The following KDM5C variants were observed in gnomAD, a reference collection of about 807,000 sequenced individuals.
The protein encoded by KDM5C is lysine demethylase 5C, also known as lysine-specific demethylase 5C.
Under a neutral mutation model 110.6 loss-of-function variants are expected in KDM5C, and 16 were observed. That is an observed-to-expected ratio of 0.14 (90% CI 0.10 to 0.22). KDM5C has a LOEUF of 0.22. KDM5C is among the 10% of genes least tolerant of loss of function. The pLI is 1.00. For missense variants in KDM5C, 681 were observed against 1,300.9 expected (o/e 0.52, Z 7.33); for synonymous variants, 511 against 520.4 (o/e 0.98, Z 0.24).
In KDM5C at chrX:53,177,500, T is replaced by A. The variant is rs145794902; in HGVS notation, c.4309-878A>T. Among the ~76,000 whole-genome samples the A allele has an allele frequency of 3.8e-3, 426 of 113,031 alleles. 3 individuals carry two copies. Among genetic ancestry groups the A allele is most frequent in the African/African-American group, 0.013 (411 of 31,206 alleles). ...GACAGTAAGGAATGATTGTGAATTG[T>A]GTTAGGTGTACTAATCGTTTTGTAA... On this transcript the variant is annotated intron_variant, in intron 25 of 25. Transcript: ENST00000685641.
At chrX:53,201,214 T>C (rs1266654695) in intron 14 of KDM5C, 2 of 270,068 alleles carry the variant, frequency 7.4e-6, no homozygotes, top group Non-Finnish European at 1.3e-5. Context: ...TGCCAGTCTA[T>C]TTTGCTAGGT....
intron 12 of KDM5C, chrX:53,202,555 C>G (rs1178668556): frequency 1.7e-5 from 2 of 120,307 alleles, no homozygotes; most frequent in Non-Finnish European, 3.4e-5. Flanking sequence ...CAATTTTCAT[C>G]TTTCTGTAGC....
In KDM5C at chrX:53,199,103, T is replaced by C; in HGVS notation, c.2117A>G (p.Gln706Arg). 8.2e-7 allele frequency: 1 copy of C among 1,212,126 alleles called. No individual in the cohort carries two copies. Among genetic ancestry groups the C allele is most frequent in the Non-Finnish European group, 1.1e-6 (1 of 895,518 alleles). ...ACACGTAGTCTTGCACTTGATACACTGGCGCTCATCATCTGGGAGCAGCTC... is the reference window on the plus strand; with the variant it reads ...ACACGTAGTCTTGCACTTGATACACCGGCGCTCATCATCTGGGAGCAGCTC... Reference protein sequence around the residue: ...AFELLPDDERQCIKCKTTCFL... With the variant: ...AFELLPDDERRCIKCKTTCFL... Residue 706 changes from glutamine (Q) to arginine (R), a missense_variant, in exon 15 of 26, where the codon CAG (glutamine) becomes CGG (arginine). By Grantham distance (43) the Gln-to-Arg change is conservative. This residue lies in a region of KDM5C where 42 missense variants were observed against 98.9 expected (regional missense o/e 0.42). Transcript: ENST00000375401.
chrX:53,176,470 C>G (rs1466918417), exon 26 of KDM5C, among the ~76,000 whole-genome samples: 1 of 111,572 alleles, frequency 9.0e-6, no homozygotes, highest in African/African-American at 3.3e-5. Flanking sequence ...GGTCTGGTGT[C>G]TCACCGTAAC....
chrX:53,197,984 G>C, intron 17 of KDM5C, 108 bp from the exon 18 acceptor site: 1 of 627,092 alleles, frequency 1.6e-6, no homozygotes, highest in South Asian at 2.4e-5. Flanking sequence ...CCTTGATCTC[G>C]CATATTTCAA....
intron 5 of KDM5C, 36 bp from the exon 6 acceptor site, chrX:53,216,233 T>C: frequency 1.7e-6 from 2 of 1,208,046 alleles, no homozygotes; most frequent in Non-Finnish European, 2.2e-6. Flanking sequence ...AAGACTGCTA[T>C]CTGGGGCAGA....
chrX:53,195,683 T>C (rs907165894), intron 20 of KDM5C, among the ~76,000 whole-genome samples: 6 of 111,543 alleles, frequency 5.4e-5, no homozygotes, highest in African/African-American at 2.0e-4. Flanking sequence ...TACCACCTGC[T>C]TCCCTGGCCC....
At chrX:53,207,759 G>A (rs370386863) in intron 12 of KDM5C, among the ~76,000 whole-genome samples, 11 of 109,874 alleles carry the variant, frequency 1.0e-4, no homozygotes, top group African/African-American at 3.6e-4. Context: ...GACCATCCTG[G>A]CCAACATGGT....
chrX:53,219,495 G>A (rs1556853699), intron 2 of KDM5C, among the ~76,000 whole-genome samples: 2 of 112,108 alleles, frequency 1.8e-5, no homozygotes, highest in African/African-American at 6.5e-5. Context: ...AACAAGATAT[G>A]TATGATGCTT....
In KDM5C at chrX:53,192,861, A is replaced by ACCCCGCCC; in HGVS notation, c.*105_*106insGGGCGGGG. ...GGGTGGGCGGGTAGCAGGGATGGCC[A>ACCCCGCCC]CCCCCCTACCCGCCCACCCCCCAAG... On this transcript the variant is annotated 3_prime_UTR_variant, in exon 26 of 26. Transcript: ENST00000375401. 4.0e-6 allele frequency: 2 copies of ACCCCGCCC among 502,012 alleles called. No individual in the cohort carries two copies. Among genetic ancestry groups the ACCCCGCCC allele is most frequent in the Non-Finnish European group, 5.8e-6 (2 of 347,654 alleles). 41.4% of individuals were successfully genotyped at this position (502,012 alleles called of 1,213,427 possible). A position where few individuals can be genotyped will look rare whatever the true frequency, so the allele number is the denominator to read the frequency against.
intron 2 of KDM5C, 50 bp from the exon 3 acceptor site, chrX:53,218,448 C>T: frequency 8.4e-7 from 1 of 1,191,297 alleles, no homozygotes; most frequent in Non-Finnish European, 1.1e-6. Context: ...CCACTGACCA[C>T]TATCTTTGGG....
At chrX:53,219,592 A>C (rs894578455) in intron 2 of KDM5C, among the ~76,000 whole-genome samples, 16 of 112,670 alleles carry the variant, frequency 1.4e-4, no homozygotes, top group African/African-American at 5.2e-4. Context: ...GGTTCTTGGA[A>C]GAACTAGATA....
At chrX:53,181,920 C>T (rs1367310146) in intron 25 of KDM5C, among the ~76,000 whole-genome samples, 1 of 108,854 alleles carries the variant, frequency 9.2e-6, no homozygotes, top group Non-Finnish European at 1.9e-5. Flanking sequence ...TCCCGAGTAG[C>T]TGGGACTACA....
chrX:53,209,824 A>G (rs1556847808), intron 12 of KDM5C, among the ~76,000 whole-genome samples: 3 of 112,454 alleles, frequency 2.7e-5, no homozygotes, highest in South Asian at 3.7e-4. Context: ...AAAGAAGTAC[A>G]CAGAGGATAG....
intron 12 of KDM5C, among the ~76,000 whole-genome samples, chrX:53,204,189 A>C (rs2051654939): frequency 9.2e-6 from 1 of 108,407 alleles, no homozygotes; most frequent in South Asian, 4.0e-4. Flanking sequence ...TTAGTTTGGG[A>C]AACTCCAGGT....
chrX:53,189,603 T>C (rs1216796614), downstream of KDM5C, among the ~76,000 whole-genome samples: 2 of 112,563 alleles, frequency 1.8e-5, no homozygotes, highest in African/African-American at 6.5e-5. Flanking sequence ...AAGGACCCAC[T>C]GACCATGTAC....
chrX:53,221,570 G>A (rs111502403), intron 1 of KDM5C: 70 of 355,469 alleles, frequency 2.0e-4, no homozygotes, highest in African/African-American at 1.7e-3. Flanking sequence ...GCTCAGGTCC[G>A]ATTGTGGCAG....
chrX:53,219,596 C>T (rs948668502), intron 2 of KDM5C, among the ~76,000 whole-genome samples: 1 of 112,623 alleles, frequency 8.9e-6, no homozygotes, highest in South Asian at 3.6e-4. Context: ...CTTGGAAGAA[C>T]TAGATAGTCA....
intron 25 of KDM5C, among the ~76,000 whole-genome samples, chrX:53,178,717 C>A (rs1556824953): frequency 8.9e-6 from 1 of 112,594 alleles, no homozygotes; most frequent in Non-Finnish European, 1.9e-5. Flanking sequence ...ATGGCAATAA[C>A]TTTTTAGGTA....
Sources: allele counts gnomAD v4.1 joint callset (sites outside exome capture counted in the v4.1 genomes callset), GRCh38; gene constraint gnomAD v4.1.1; regional missense constraint gnomAD v4.1.1; transcripts MANE v1.5; gene names NCBI Gene and HGNC (gene_info 2026-07-23, HGNC 2026-07-21).